Variants in CACNA1C observed in about 807,000 individuals in gnomAD.
The protein encoded by CACNA1C is calcium voltage-gated channel subunit alpha1 C.
A neutral mutation model predicts 229.0 loss-of-function variants in CACNA1C; 30 were observed. That is an observed-to-expected ratio of 0.13 (90% confidence interval 0.10 to 0.18). CACNA1C has a LOEUF of 0.18. CACNA1C is among the 10% of genes least tolerant of loss of function. The probability of loss-of-function intolerance (pLI) is 1.00; values close to 1 mark genes in which losing one functional copy is unlikely to be tolerated. For synonymous variants in CACNA1C, 1,114 were observed against 1,132.5 expected (o/e 0.98, Z 0.33); for missense variants, 1,658 against 2,845.0 (o/e 0.58, Z 9.49).
At position 2,105,460 on chromosome 12, in the gene CACNA1C, G is replaced by GAGGAGGACC. The variant is rs539315599; in HGVS notation, c.50-9763_50-9755dup. On this transcript the variant is annotated intron_variant, in intron 1 of 46. Coordinates refer to ENST00000399655, the MANE Select transcript of CACNA1C (RefSeq NM_000719.7). Reference sequence around the variant, plus strand: ...ACTGTGTCTGTAGCAGGATGGGGGAGAGGAGGACCGGCAGAGTGACAGAAT... The same window carrying GAGGAGGACC: ...ACTGTGTCTGTAGCAGGATGGGGGAGAGGAGGACCAGGAGGACCGGCAGAGTGACAGAAT... 5.0e-3 allele frequency among the ~76,000 whole-genome samples: 769 copies of GAGGAGGACC among 152,340 alleles called. 6 individuals carry two copies. The highest frequency in any genetic ancestry group is 0.024 in the Middle Eastern group (7 of 294).
chr12:2,142,998 C>T (rs1171956012), intron 3 of CACNA1C, among the ~76,000 whole-genome samples: 7 of 149,544 alleles, frequency 4.7e-5, no homozygotes, highest in East Asian at 3.9e-4. Flanking sequence ...TTTTTTGAGA[C>T]GGAGTCTCTC....
chr12:2,010,307 A>G (rs953783223), intron 1 of CACNA1C, among the ~76,000 whole-genome samples: 4 of 152,150 alleles, frequency 2.6e-5, no homozygotes, highest in African/African-American at 9.7e-5. Flanking sequence ...AAAGGTTAAG[A>G]TTTGAAACAA....
chr12:2,233,404 G>C (rs2066074199), intron 3 of CACNA1C, among the ~76,000 whole-genome samples: 1 of 152,226 alleles, frequency 6.6e-6, no homozygotes, highest in African/African-American at 2.4e-5. Flanking sequence ...TTACATTAGT[G>C]AGTAAAATTC....
chr12:2,064,775 T>A lies in CACNA1C; in HGVS notation c.49+11164T>A, dbSNP rs931640794. The stretch of plus-strand genomic sequence containing the variant: ...TGGAAGCCTCTTTCCAGTCTTGGGA[T>A]AGGTATTTTCTTGGTGATCATTTTA... On this transcript the variant is annotated intron_variant, in intron 1 of 46. Transcript: ENST00000399655. Among the ~76,000 whole-genome samples, 58 of 152,166 alleles carry A rather than the reference T, an allele frequency of 3.8e-4. 1 individual carries two copies. Among genetic ancestry groups the A allele is most frequent in the African/African-American group, 1.4e-3 (58 of 41,440 alleles).
rs142785178 is a variant in CACNA1C at position 2,582,644 on chromosome 12, T to C, written c.2104-178T>C. Among the ~76,000 whole-genome samples the C allele has an allele frequency of 2.7e-3, 414 of 152,274 alleles. 5 individuals carry two copies. The highest frequency in any genetic ancestry group is 9.5e-3 in the African/African-American group (395 of 41,542). ...TATGCCAATAGCCAGGCATTTTGTC[T>C]AAGGACAGTTCAATAGCTCAGAGCC... On this transcript the variant is annotated intron_variant, in intron 14 of 46. Transcript: ENST00000399655.
chr12:2,179,354 G>A (rs1462956421), intron 3 of CACNA1C, among the ~76,000 whole-genome samples: 1 of 152,176 alleles, frequency 6.6e-6, no homozygotes, highest in Non-Finnish European at 1.5e-5. Flanking sequence ...GCTGATGATA[G>A]GTTGGTCTTA....
Position 2,053,616 on chromosome 12 carries a change from G to A in CACNA1C, c.49+5G>A, listed in dbSNP as rs757717013. The A allele has an allele frequency of 1.3e-6, 2 of 1,588,944 alleles. No individual in the cohort carries two copies. Among genetic ancestry groups the A allele is most frequent in the South Asian group, 1.2e-5 (1 of 86,812 alleles). On this transcript the variant is annotated splice_donor_5th_base_variant and intron_variant, in intron 1 of 46. Transcript: ENST00000399655. This position sits in a 1 kb window ranked among gnomAD's most constrained non-coding sequence, Gnocchi z 5.8. ...TTCCAGAGGAAAACCACCAAGGTAAGGCTGGACCCCGCCGCCTCGCCGGGG... is the reference window on the plus strand; with the variant it reads ...TTCCAGAGGAAAACCACCAAGGTAAAGCTGGACCCCGCCGCCTCGCCGGGG...
At chr12:2,230,136 C>T (rs994255595) in intron 3 of CACNA1C, among the ~76,000 whole-genome samples, 7 of 152,086 alleles carry the variant, frequency 4.6e-5, no homozygotes, top group African/African-American at 1.7e-4. Context: ...TGACTGTGCT[C>T]AGGATGTCCC....
At chr12:2,007,435 G>A (rs2043657013) in intron 1 of CACNA1C, among the ~76,000 whole-genome samples, 1 of 152,206 alleles carries the variant, frequency 6.6e-6, no homozygotes, top group Non-Finnish European at 1.5e-5. Flanking sequence ...TTAGTGATCT[G>A]TATGACTACA....
rs1206815436 is a variant in CACNA1C, at chr12:2,467,282, A to G, written c.757+9576A>G. On this transcript the variant is annotated intron_variant, in intron 5 of 46. Transcript: ENST00000399655. The surrounding 1 kb of genome is among the most constrained non-coding windows in gnomAD (Gnocchi z 4.6). ...TGTCTGGGTGGGAGGGGACTAGGCT[A>G]GTACAACTGAGCTTCCATTCTGCAG... Among the ~76,000 whole-genome samples, 1 of 152,212 alleles carries G rather than the reference A, an allele frequency of 6.6e-6. No homozygotes were observed. Among genetic ancestry groups the G allele is most frequent in the East Asian group, 1.9e-4 (1 of 5,182 alleles).
chr12:2,297,414 C>T (rs1174428698), intron 3 of CACNA1C, among the ~76,000 whole-genome samples: 1 of 152,232 alleles, frequency 6.6e-6, no homozygotes. Flanking sequence ...GACAAGTACA[C>T]TGGCTTGATT....
At chr12:2,227,851 G>A (rs1194372443) in intron 3 of CACNA1C, among the ~76,000 whole-genome samples, 1 of 151,992 alleles carries the variant, frequency 6.6e-6, no homozygotes, top group Non-Finnish European at 1.5e-5. Context: ...TAAAATAATG[G>A]GCACATCTTA....
intron 4 of CACNA1C, among the ~76,000 whole-genome samples, chr12:2,457,137 G>A (rs542014093): frequency 1.3e-5 from 2 of 152,236 alleles, no homozygotes; most frequent in Non-Finnish European, 1.5e-5. Flanking sequence ...GTCAAAGAGG[G>A]GGGGTATCTA....
intron 3 of CACNA1C, among the ~76,000 whole-genome samples, chr12:2,446,227 A>ATGGG (rs1319208895): frequency 6.4e-5 from 9 of 140,790 alleles, no homozygotes; most frequent in African/African-American, 2.4e-4. Flanking sequence ...GGATGGATGG[A>ATGGG]TGGATGGGTA....
chr12:2,169,632 C>T (rs1157505621), intron 3 of CACNA1C, among the ~76,000 whole-genome samples: 3 of 152,122 alleles, frequency 2.0e-5, no homozygotes, highest in African/African-American at 7.2e-5. Context: ...AACATGTGGT[C>T]GCAGCATGTG....
At chr12:2,450,415 G>T (rs938967166) in intron 4 of CACNA1C, among the ~76,000 whole-genome samples, 1 of 151,658 alleles carries the variant, frequency 6.6e-6, no homozygotes, top group Non-Finnish European at 1.5e-5. Context: ...TTAGCCGGGC[G>T]AGGTGGCGGG....
chr12:2,516,566 T>G (rs1370225925), intron 9 of CACNA1C, among the ~76,000 whole-genome samples: 2 of 152,072 alleles, frequency 1.3e-5, no homozygotes. Context: ...ATGGAAGTGA[T>G]AAGGTCAGAC....
intron 3 of CACNA1C, among the ~76,000 whole-genome samples, chr12:2,350,238 T>C (rs1176548760): frequency 1.3e-5 from 2 of 152,182 alleles, no homozygotes; most frequent in Non-Finnish European, 2.9e-5. Flanking sequence ...AGTCCCTGAC[T>C]GGACCTTCCC....
chr12:2,360,682 T>C (rs971194998), intron 3 of CACNA1C, among the ~76,000 whole-genome samples: 1 of 152,198 alleles, frequency 6.6e-6, no homozygotes, highest in Non-Finnish European at 1.5e-5. Context: ...GCAGTTTCTT[T>C]CTCTGGAAAA....
Sources: allele counts gnomAD v4.1 joint callset (sites outside exome capture counted in the v4.1 genomes callset), GRCh38; gene constraint gnomAD v4.1.1; non-coding constraint Gnocchi (gnomAD v3.1); transcripts MANE v1.5; gene names NCBI Gene and HGNC (gene_info 2026-07-23, HGNC 2026-07-21).